The following ADGRB2 variants were observed in gnomAD, a reference collection of about 807,000 sequenced individuals.
The protein encoded by ADGRB2 is adhesion G protein-coupled receptor B2.
In ADGRB2, 47 loss-of-function variants were observed where a neutral mutation model predicts 178.7. The observed-to-expected ratio is 0.26, with a 90% CI of 0.21 to 0.34. ADGRB2 has a LOEUF of 0.34. Ranked by LOEUF, ADGRB2 falls within the 10% of genes least tolerant of loss-of-function variation. The pLI is 1.00. For missense variants in ADGRB2, 1,584 were observed against 2,180.8 expected, an observed-to-expected ratio of 0.73 and a Z score of 5.45; for synonymous variants, 870 against 912.4, an observed-to-expected ratio of 0.95 and a Z score of 0.84.
rs769389193 is a variant in ADGRB2, at chr1:31,735,755, G to A, written c.3267+72C>T. On this transcript the variant is annotated intron_variant, in intron 23 of 32. Transcript: ENST00000373658. The surrounding 1 kb of genome is among the most constrained non-coding windows in gnomAD (Gnocchi z 6.0). ...CCCCATGTGGGAGCTGGAGCGCAGGGAGGAGGTAGAGGGAGAAACAGGATG... is the reference window on the plus strand; with the variant it reads ...CCCCATGTGGGAGCTGGAGCGCAGGAAGGAGGTAGAGGGAGAAACAGGATG... 6 of 1,581,300 alleles carry A rather than the reference G, an allele frequency of 3.8e-6. No homozygotes were observed. Among genetic ancestry groups the A allele is most frequent in the Admixed American group, 3.5e-5 (2 of 57,632 alleles).
rs61747384 is a variant in ADGRB2, at chr1:31,739,501, G to C, written c.2302C>G (p.Leu768Val). 190 of 1,612,932 alleles carry C rather than the reference G, an allele frequency of 1.2e-4. No individual in the cohort carries two copies. In the African/African-American group the frequency reaches 2.2e-3, roughly 19 times the overall value. ...RLFLPKEVLS[L>V]SSPGKPATSG... Reference sequence around the variant, plus strand: ...GTGGCTGGCTTCCCTGGGGAGGAGAGGCTGAGCACCTCCTTGGGCAGGAAG... The same window carrying C: ...GTGGCTGGCTTCCCTGGGGAGGAGACGCTGAGCACCTCCTTGGGCAGGAAG... Residue 768 changes from leucine to valine, a missense_variant, in exon 15 of 33, where the codon CTC becomes GTC. By Grantham distance (32) the Leu-to-Val change is conservative. This residue lies in a region of ADGRB2 where 865 missense variants were observed against 1,192.8 expected (regional missense o/e 0.73). Coordinates refer to ENST00000373658, the MANE Select transcript of ADGRB2 (RefSeq NM_001364857.2).
In ADGRB2 at chr1:31,728,182, C is replaced by G; in HGVS notation, c.4515G>C (p.Lys1505Asn). Residue 1505 changes from lysine to asparagine, a missense_variant and splice_region_variant, in exon 31 of 33, where the codon AAG becomes AAC. Physicochemically the swap from Lys to Asn is moderately conservative, Grantham distance 94. This residue lies in a region of ADGRB2 where 865 missense variants were observed against 1,192.8 expected (regional missense o/e 0.73). Coordinates refer to ENST00000373658, the MANE Select transcript of ADGRB2 (RefSeq NM_001364857.2). The surrounding 1 kb of genome is among the most constrained non-coding windows in gnomAD (Gnocchi z 6.7). ...GGGCAGCCACGGGAGGAGCCCTCAC[C>G]TTGGCCGTGGACTGGCTGCGGTAGC... ...FDRYRSQSTA[K>N]REKRWSVSSG... The G allele has an allele frequency of 6.2e-7, 1 of 1,614,186 alleles. No individual in the cohort carries two copies. Among genetic ancestry groups the G allele is most frequent in the Non-Finnish European group, 8.5e-7 (1 of 1,180,020 alleles).
At position 31,733,082 on chromosome 1, in the gene ADGRB2, C is replaced by T. The variant is rs368713364; in HGVS notation, c.3514G>A (p.Val1172Ile). The T allele has an allele frequency of 2.3e-5, 37 of 1,585,708 alleles. No individual in the cohort carries two copies. Among genetic ancestry groups the T allele is most frequent in the Middle Eastern group, 1.7e-4 (1 of 5,992 alleles). The change falls in exon 26 of 33, where the codon GTC (valine) becomes ATC (isoleucine). Residue 1172 changes from valine to isoleucine, a missense_variant. Transcript: ENST00000373658. The surrounding 1 kb of genome is among the most constrained non-coding windows in gnomAD (Gnocchi z 4.3). ...PLLALTWMSA[V>I]LAMTDRRSVL... ...GAACGGCGGTCTGTCATAGCCAGGA[C>T]GGCAGACATCCAGGTGAGCGCCAGC...
chr1:31,756,472 T>G lies in ADGRB2; in HGVS notation c.365A>C (p.Glu122Ala). ...CTCTTCTGGCCGCCCCACCTCTGAC[T>G]CCGCCTGGGCCACCGCCTCCTCGGG... ...PSPEEAVAQA[E>A]SEVGRPEEEE... Residue 122 changes from glutamate to alanine, a missense_variant, in exon 4 of 33, where the codon GAG becomes GCG. Physicochemically the swap from Glu to Ala is moderately radical, Grantham distance 107 (BLOSUM62 -1). Around this residue, in one of 3 missense-constraint regions of ADGRB2, gnomAD observed 657 missense variants for 847.6 expected, o/e 0.78. Coordinates refer to ENST00000373658, the MANE Select transcript of ADGRB2 (RefSeq NM_001364857.2). The surrounding 1 kb of genome is among the most constrained non-coding windows in gnomAD (Gnocchi z 8.5). The G allele has an allele frequency of 3.1e-6, 5 of 1,611,188 alleles. No homozygotes were observed. In the South Asian group the frequency reaches 5.5e-5, roughly 18 times the overall value.
chr1:31,728,354 A>G lies in ADGRB2; in HGVS notation c.4417-74T>C. On this transcript the variant is annotated intron_variant, in intron 30 of 32. Transcript: ENST00000373658. This position sits in a 1 kb window ranked among gnomAD's most constrained non-coding sequence, Gnocchi z 6.7. Reference sequence around the variant, plus strand: ...ATCCCCCCTACCCAGGGCACTCAGCACCCCAAGCCCCCCACATCCCTCCCT... The same window carrying G: ...ATCCCCCCTACCCAGGGCACTCAGCGCCCCAAGCCCCCCACATCCCTCCCT... 2 of 1,485,836 alleles carry G rather than the reference A, an allele frequency of 1.3e-6. No homozygotes were observed. Among genetic ancestry groups the G allele is most frequent in the South Asian group, 2.3e-5 (2 of 86,558 alleles). 92.0% of individuals were successfully genotyped at this position (1,485,836 alleles called of 1,614,324 possible).
chr1:31,744,251 G>C lies in ADGRB2; in HGVS notation c.1029C>G (p.Thr343=). The C allele has an allele frequency of 6.5e-7, 1 of 1,550,338 alleles. No homozygotes were observed. Among genetic ancestry groups the C allele is most frequent in the East Asian group, 2.4e-5 (1 of 40,898 alleles). The change falls in exon 6 of 33, where the codon ACC becomes ACG. Residue 343 remains threonine (T), a synonymous_variant. Coordinates refer to ENST00000373658, the MANE Select transcript of ADGRB2 (RefSeq NM_001364857.2). This position sits in a 1 kb window ranked among gnomAD's most constrained non-coding sequence, Gnocchi z 6.7. ...TRSCVSSPYG[T]LCSGPLRETR... ...TCTCCCGCAGGGGCCCGCTGCACAGGGTCCCATAGGGGGAGGACACACAGG... is the reference window on the plus strand; with the variant it reads ...TCTCCCGCAGGGGCCCGCTGCACAGCGTCCCATAGGGGGAGGACACACAGG...
intron 26 of ADGRB2, 101 bp downstream of exon 26, chr1:31,732,870 AC>A (rs1645365299): frequency 3.5e-6 from 5 of 1,426,694 alleles, no homozygotes; most frequent in Non-Finnish European, 4.7e-6. Flanking sequence ...GGCCTGGGGC[AC>A]CCTGGTCGGG....
chr1:31,757,292 T>C lies in ADGRB2; in HGVS notation c.-60-11A>G. ...TGTCACCGCGTAATCCTGTGGTAAT[T>C]GTCAAAGTGGTGATGTTTGACTATG... On this transcript the variant is annotated splice_polypyrimidine_tract_variant and intron_variant, in intron 2 of 32. Coordinates refer to ENST00000373658, the MANE Select transcript of ADGRB2 (RefSeq NM_001364857.2). The C allele has an allele frequency of 1.9e-6, 3 of 1,585,582 alleles. No homozygotes were observed. Among genetic ancestry groups the C allele is most frequent in the Non-Finnish European group, 2.6e-6 (3 of 1,156,076 alleles).
In ADGRB2 at chr1:31,735,869, G is replaced by T. The variant is rs773178898; in HGVS notation, c.3225C>A (p.Gly1075=). 1 of 1,605,214 alleles carries T rather than the reference G, an allele frequency of 6.2e-7. No individual in the cohort carries two copies. Among genetic ancestry groups the T allele is most frequent in the Admixed American group, 1.7e-5 (1 of 58,634 alleles). The stretch of plus-strand genomic sequence containing the variant: ...CAGGGCCCACAAAGGCGTAGAGCAG[G>T]CCGCCCTCCAGGGAGAGCCAGCAGC... ...SSYCWLSLEG[G]LLYAFVGPAA... is the part of the protein sequence containing the mutation. Residue 1075 remains glycine, a synonymous_variant, in exon 23 of 33, where the codon GGC becomes GGA. Transcript: ENST00000373658. This position sits in a 1 kb window ranked among gnomAD's most constrained non-coding sequence, Gnocchi z 6.0.
chr1:31,734,753 T>C lies in ADGRB2; in HGVS notation c.3452+430A>G, dbSNP rs76755261. The stretch of plus-strand genomic sequence containing the variant: ...CTGAAATGCTAAGTCTCAGATTCTA[T>C]GACAGATGATAAGACTGGATGATTC... On this transcript the variant is annotated intron_variant, in intron 25 of 32. Coordinates refer to ENST00000373658, the MANE Select transcript of ADGRB2 (RefSeq NM_001364857.2). Among the ~76,000 whole-genome samples the C allele has an allele frequency of 4.5e-3, 692 of 152,356 alleles. 1 individual carries two copies. The highest frequency in any genetic ancestry group is 0.016 in the African/African-American group (655 of 41,576).
chr1:31,742,335 A>C, intron 7 of ADGRB2, 118 bp from the exon 8 acceptor site: 2 of 1,392,622 alleles, frequency 1.4e-6, no homozygotes, highest in Admixed American at 2.5e-5. Context: ...GCCAGGCCAG[A>C]CCCACTGGAG....
rs532142350 is a variant in ADGRB2 at position 31,754,567 on chromosome 1, G to C, written c.838+1432C>G. ...AGCCTCCAGGGCCTGTAACCTACCC[G>C]CGGCCCGGCTGTCACTCGGACGGCT... On this transcript the variant is annotated intron_variant, in intron 4 of 32. Coordinates refer to ENST00000373658, the MANE Select transcript of ADGRB2 (RefSeq NM_001364857.2). The surrounding 1 kb of genome is among the most constrained non-coding windows in gnomAD (Gnocchi z 5.7). Among the ~76,000 whole-genome samples, 1 of 152,230 alleles carries C rather than the reference G, an allele frequency of 6.6e-6. No individual in the cohort carries two copies. Among genetic ancestry groups the C allele is most frequent in the African/African-American group, 2.4e-5 (1 of 41,454 alleles).
chr1:31,747,469 C>A (rs1158047938), intron 4 of ADGRB2, among the ~76,000 whole-genome samples: 1 of 152,060 alleles, frequency 6.6e-6, no homozygotes, highest in Non-Finnish European at 1.5e-5. Context: ...GCTTGTTTCC[C>A]CACCCTCTTT....
intron 4 of ADGRB2, among the ~76,000 whole-genome samples, chr1:31,746,552 G>A (rs1416903994): frequency 3.3e-5 from 5 of 152,128 alleles, no homozygotes; most frequent in Non-Finnish European, 5.9e-5. Flanking sequence ...CATCCGCTGG[G>A]CGCCCGGGAC....
chr1:31,757,376 A>C lies in ADGRB2; in HGVS notation c.-61+6T>G. 10 of 979,816 alleles carry C rather than the reference A, an allele frequency of 1.0e-5. No homozygotes were observed. Among genetic ancestry groups the C allele is most frequent in the Non-Finnish European group, 1.6e-5 (10 of 627,332 alleles). The allele number at this position is 979,816 out of a possible 1,614,324, so 60.7% of individuals were successfully genotyped here. A position where few individuals can be genotyped will look rare whatever the true frequency, so the allele number is the denominator to read the frequency against. On this transcript the variant is annotated splice_donor_region_variant and intron_variant, in intron 2 of 32. Transcript: ENST00000373658. ...TTATTCCTGGAACAATGTCATTCTC[A>C]CTCACTTGCTTTACTGAGAGGGAGA...
chr1:31,733,124 A>G lies in ADGRB2; in HGVS notation c.3472T>C (p.Cys1158Arg). The G allele has an allele frequency of 1.3e-6, 2 of 1,585,188 alleles. No individual in the cohort carries two copies. Among genetic ancestry groups the G allele is most frequent in the Non-Finnish European group, 1.7e-6 (2 of 1,165,824 alleles). ...AGCGCCAGCAGGGGCAGCACCACGC[A>G]GGAGCTCCAGAGTGAGGCCCTGAGG... Reference protein sequence around the residue: ...RNAMASLWSSCVVLPLLALTW... With the variant: ...RNAMASLWSSRVVLPLLALTW... The change falls in exon 26 of 33, where the codon TGC (cysteine) becomes CGC (arginine). Residue 1158 changes from cysteine (C) to arginine (R), a missense_variant. Around this residue, in one of 3 missense-constraint regions of ADGRB2, gnomAD observed 865 missense variants for 1,192.8 expected, o/e 0.73. Coordinates refer to ENST00000373658, the MANE Select transcript of ADGRB2 (RefSeq NM_001364857.2). The surrounding 1 kb of genome is among the most constrained non-coding windows in gnomAD (Gnocchi z 4.3).
At position 31,740,893 on chromosome 1, in the gene ADGRB2, G is replaced by GCACACACACACACACA. The variant is rs1447252239; in HGVS notation, c.1795-353_1795-352insTGTGTGTGTGTGTGTG. ...GTAATGAGCATGTGTGTGGGCGCGC[G>GCACACACACACACACA]CGCACACACACACACACACACACAC... On this transcript the variant is annotated intron_variant, in intron 11 of 32. Transcript: ENST00000373658. The surrounding 1 kb of genome is among the most constrained non-coding windows in gnomAD (Gnocchi z 5.9). 5.9e-5 allele frequency among the ~76,000 whole-genome samples: 2 copies of GCACACACACACACACA among 33,710 alleles called. No homozygotes were observed. The highest frequency in any genetic ancestry group is 7.6e-5 in the Non-Finnish European group (1 of 13,206). The allele number at this position is 33,710 out of a possible 152,430, so 22.1% of individuals were successfully genotyped here.
Position 31,727,869 on chromosome 1 carries a change from G to T in ADGRB2, c.4572+156C>A. ...CCTCCACCCCTGTTCGCCATCTGCA[G>T]CACCTTCCCCACCCCCAGGCGGCCC... On this transcript the variant is annotated intron_variant, in intron 32 of 32. Transcript: ENST00000373658. The surrounding 1 kb of genome is among the most constrained non-coding windows in gnomAD (Gnocchi z 4.4). 1.8e-6 allele frequency: 2 copies of T among 1,082,516 alleles called. No individual in the cohort carries two copies. Among genetic ancestry groups the T allele is most frequent in the South Asian group, 3.3e-5 (2 of 61,104 alleles). The allele number at this position is 1,082,516 out of a possible 1,614,324, so 67.1% of individuals were successfully genotyped here.
rs1352630997 is a variant in ADGRB2 at position 31,728,863 on chromosome 1, G to C, written c.4381-230C>G. On this transcript the variant is annotated intron_variant, in intron 29 of 32. Transcript: ENST00000373658. The surrounding 1 kb of genome is among the most constrained non-coding windows in gnomAD (Gnocchi z 6.7). The stretch of plus-strand genomic sequence containing the variant: ...ACACACACACGTCAAATGGCATGGT[G>C]CGGACTTCCAACATGACAGGCCCAG... 1.5e-5 allele frequency among the ~76,000 whole-genome samples: 2 copies of C among 131,930 alleles called. No individual in the cohort carries two copies. Among genetic ancestry groups the C allele is most frequent in the African/African-American group, 5.3e-5 (2 of 37,594 alleles). The allele number at this position is 131,930 out of a possible 152,430, so 86.6% of individuals were successfully genotyped here. A position where few individuals can be genotyped will look rare whatever the true frequency, so the allele number is the denominator to read the frequency against.
Sources: gnomAD v4.1 joint callset for allele counts (sites outside exome capture counted in the v4.1 genomes callset) on GRCh38, gnomAD v4.1.1 for gene constraint, gnomAD v4.1.1 regional missense constraint, Gnocchi (gnomAD v3.1) non-coding constraint, MANE v1.5 for transcripts, NCBI Gene and HGNC (gene_info 2026-07-23, HGNC 2026-07-21) for gene names.